ELP3: variants seen among roughly 807,000 people sequenced by gnomAD.
ELP3 encodes the protein elongator acetyltransferase complex subunit 3.
ELP3 carries 56 observed loss-of-function variants against 74.9 expected under a neutral mutation model. The ratio of observed to expected loss-of-function variants is 0.75; its 90% CI spans 0.60 to 0.93. The LOEUF is 0.93. ELP3 is among the 40% of genes least tolerant of loss of function. The probability of loss-of-function intolerance (pLI) is 0.00; values close to 1 mark genes in which losing one functional copy is unlikely to be tolerated. For missense variants in ELP3, 573 were observed against 686.5 expected, an observed-to-expected ratio of 0.83 and a Z score of 1.85; for synonymous variants, 222 against 239.8, an observed-to-expected ratio of 0.93 and a Z score of 0.68.
chr8:28,180,828 G>A (rs1035654386), intron 14 of ELP3, among the ~76,000 whole-genome samples: 1 of 152,166 alleles, frequency 6.6e-6, no homozygotes, highest in Non-Finnish European at 1.5e-5. Context: ...ATCCAGAAGA[G>A]GGGGTGCTAT....
At chr8:28,137,598 C>T (rs1259233504) in intron 9 of ELP3, 100 bp from the exon 10 acceptor site, 4 of 1,157,290 alleles carry the variant, frequency 3.5e-6, no homozygotes, top group Non-Finnish European at 5.0e-6. Context: ...TGCCCCAGGG[C>T]CTACTGGGTG....
chr8:28,140,165 A>G (rs1813180407), intron 10 of ELP3, among the ~76,000 whole-genome samples: 1 of 148,326 alleles, frequency 6.7e-6, no homozygotes, highest in Non-Finnish European at 1.5e-5. Flanking sequence ...TTTTATAGCA[A>G]TCAGTGTACT....
intron 7 of ELP3, 42 bp downstream of exon 7, chr8:28,113,215 C>T: frequency 6.4e-7 from 1 of 1,566,396 alleles, no homozygotes; most frequent in Non-Finnish European, 8.7e-7. Context: ...GAGTGGTTGT[C>T]AGTTTATGCT....
intron 13 of ELP3, among the ~76,000 whole-genome samples, chr8:28,161,196 A>C (rs560056609): frequency 3.9e-5 from 6 of 152,308 alleles, no homozygotes; most frequent in Admixed American, 3.9e-4. Context: ...ATTTCCAGAA[A>C]ATGTGTTAAA....
chr8:28,132,245 T>G (rs755754385), intron 8 of ELP3, 33 bp from the exon 9 acceptor site: 3 of 1,612,694 alleles, frequency 1.9e-6, no homozygotes, highest in African/African-American at 1.3e-5. Flanking sequence ...AAATAGGTAG[T>G]GATTTTCACA....
intron 1 of ELP3, among the ~76,000 whole-genome samples, chr8:28,096,063 A>G (rs1441697709): frequency 2.0e-5 from 3 of 152,128 alleles, no homozygotes; most frequent in Non-Finnish European, 4.4e-5. Flanking sequence ...GTGGCATTAG[A>G]TTCTCAAAGG....
Position 28,189,880 on chromosome 8 carries a change from C to A in ELP3, c.*155C>A. ...AGACTGGAAACTGCCTTCAAGGCCACGGCTGGTCATCTGCTGACCACACCC... is the reference window on the plus strand; with the variant it reads ...AGACTGGAAACTGCCTTCAAGGCCAAGGCTGGTCATCTGCTGACCACACCC... On this transcript the variant is annotated 3_prime_UTR_variant, in exon 15 of 15. Coordinates refer to ENST00000256398, the MANE Select transcript of ELP3 (RefSeq NM_018091.6). 1.4e-6 allele frequency: 1 copy of A among 739,864 alleles called. No homozygotes were observed. The highest frequency in any genetic ancestry group is 2.2e-6 in the Non-Finnish European group (1 of 455,646). 45.8% of individuals were successfully genotyped at this position (739,864 alleles called of 1,614,324 possible). A position where few individuals can be genotyped will look rare whatever the true frequency, so the allele number is the denominator to read the frequency against.
At chr8:28,122,483 A>G (rs757255405) in intron 7 of ELP3, among the ~76,000 whole-genome samples, 1 of 152,218 alleles carries the variant, frequency 6.6e-6, no homozygotes, top group Non-Finnish European at 1.5e-5. Flanking sequence ...TAATAGATAT[A>G]GAGCTATTCA....
intron 9 of ELP3, among the ~76,000 whole-genome samples, chr8:28,137,020 G>A (rs2130479712): frequency 6.6e-6 from 1 of 152,360 alleles, no homozygotes; most frequent in Middle Eastern, 3.4e-3. Flanking sequence ...TGGACAAGGT[G>A]TAGCCCAGGA....
intron 12 of ELP3, among the ~76,000 whole-genome samples, chr8:28,159,886 G>T (rs987004070): frequency 6.6e-6 from 1 of 152,190 alleles, no homozygotes; most frequent in Admixed American, 6.5e-5. Context: ...TGAGAGCTAC[G>T]CATGAGACGT....
In ELP3 at chr8:28,161,934, T is replaced by C. The variant is rs1043521843; in HGVS notation, c.1486-63T>C. The C allele has an allele frequency of 3.9e-6, 6 of 1,531,812 alleles. No individual in the cohort carries two copies. In the African/African-American group the frequency reaches 8.2e-5, roughly 21 times the overall value. 94.9% of individuals were successfully genotyped at this position (1,531,812 alleles called of 1,614,324 possible). On this transcript the variant is annotated intron_variant, in intron 13 of 14. Transcript: ENST00000256398. ...TAAAGTATATAGCCTTCTTGTTTTA[T>C]GGACCCCTCTTAATGAACTTCCTTC...
intron 14 of ELP3, 43 bp from the exon 15 acceptor site, chr8:28,189,606 T>C: frequency 6.2e-7 from 1 of 1,605,218 alleles, no homozygotes. Context: ...TTTTGAGAAT[T>C]GCTAAAGTGA....
chr8:28,124,482 C>T (rs1383293326), intron 7 of ELP3, among the ~76,000 whole-genome samples: 1 of 152,124 alleles, frequency 6.6e-6, no homozygotes, highest in Non-Finnish European at 1.5e-5. Flanking sequence ...GAATTTTTAT[C>T]TAAAAGATAT....
At chr8:28,092,295 T>C (rs1811074186), upstream of ELP3, among the ~76,000 whole-genome samples, 1 of 152,118 alleles carries the variant, frequency 6.6e-6, no homozygotes, top group African/African-American at 2.4e-5. Flanking sequence ...CAGAGAATGA[T>C]CTCCACTCAC....
intron 7 of ELP3, among the ~76,000 whole-genome samples, chr8:28,118,233 GTCT>G: frequency 6.6e-6 from 1 of 152,148 alleles, no homozygotes. Context: ...AAGGTTAATA[GTCT>G]GTTCACGTTA....
intron 14 of ELP3, among the ~76,000 whole-genome samples, chr8:28,174,761 A>G (rs1814676186): frequency 6.6e-6 from 1 of 152,150 alleles, no homozygotes. Context: ...TATGGTTCCA[A>G]GTTACTGCCT....
At chr8:28,148,602 A>C (rs1191055516) in intron 10 of ELP3, among the ~76,000 whole-genome samples, 1 of 152,210 alleles carries the variant, frequency 6.6e-6, no homozygotes, top group Non-Finnish European at 1.5e-5. Context: ...AAGTTGAGGA[A>C]GTTCCCCTTT....
intron 14 of ELP3, among the ~76,000 whole-genome samples, chr8:28,164,907 A>G (rs1356480193): frequency 6.6e-6 from 1 of 152,056 alleles, no homozygotes. Context: ...CGTGTGTTTT[A>G]GTTTTTTGTA....
chr8:28,179,246 A>G (rs529064571), intron 14 of ELP3, among the ~76,000 whole-genome samples: 1 of 152,356 alleles, frequency 6.6e-6, no homozygotes, highest in Non-Finnish European at 1.5e-5. Flanking sequence ...TTGCTCTTCT[A>G]TCTTTGCTAT....
Sources: gnomAD v4.1 joint callset for allele counts (sites outside exome capture counted in the v4.1 genomes callset) on GRCh38, gnomAD v4.1.1 for gene constraint, MANE v1.5 for transcripts, NCBI Gene and HGNC (gene_info 2026-07-23, HGNC 2026-07-21) for gene names.